GNB5: variants seen among roughly 807,000 people sequenced by gnomAD.
The protein encoded by GNB5 is G protein subunit beta 5, also known as guanine nucleotide-binding protein subunit beta-5.
In GNB5, 37 loss-of-function variants were observed where a neutral mutation model predicts 55.3. The ratio of observed to expected loss-of-function variants is 0.67; its 90% CI spans 0.51 to 0.88. The LOEUF is 0.88. GNB5 is among the 40% of genes least tolerant of loss of function. GNB5 has a pLI of 0.00. For missense variants in GNB5, 476 were observed against 515.3 expected (o/e 0.92, Z 0.74); for synonymous variants, 219 against 198.5 (o/e 1.10, Z -0.87).
chr15:52,175,240 G>A (rs2034628180), intron 3 of GNB5, among the ~76,000 whole-genome samples: 1 of 152,194 alleles, frequency 6.6e-6, no homozygotes, highest in Admixed American at 6.5e-5. Flanking sequence ...TCTAACACAT[G>A]TTGCTCTGGG....
intron 3 of GNB5, among the ~76,000 whole-genome samples, chr15:52,173,029 A>G (rs2034583876): frequency 6.6e-6 from 1 of 152,082 alleles, no homozygotes; most frequent in African/African-American, 2.4e-5. Context: ...TTCATTTGAT[A>G]AATATTTACT....
chr15:52,162,014 G>A (rs1378892645), intron 3 of GNB5, among the ~76,000 whole-genome samples: 1 of 152,178 alleles, frequency 6.6e-6, no homozygotes, highest in Non-Finnish European at 1.5e-5. Flanking sequence ...GGCCAGACAG[G>A]AAGGCACGTC....
chr15:52,158,455 G>T (rs1334829176), intron 3 of GNB5, among the ~76,000 whole-genome samples: 1 of 152,188 alleles, frequency 6.6e-6, no homozygotes, highest in Non-Finnish European at 1.5e-5. Flanking sequence ...ATCCTAAGCA[G>T]CAGTCTTTGG....
At chr15:52,141,496 G>C (rs1326610164) in intron 6 of GNB5, among the ~76,000 whole-genome samples, 1 of 146,740 alleles carries the variant, frequency 6.8e-6, no homozygotes, top group African/African-American at 2.5e-5. Flanking sequence ...TTGAACTCTT[G>C]GCCTCGAACT....
At chr15:52,139,942 A>G in intron 7 of GNB5, 1 of 1,285,362 alleles carries the variant, frequency 7.8e-7, no homozygotes, top group South Asian at 1.2e-5. Flanking sequence ...CATCCAGCCT[A>G]AATGTCCTCT....
chr15:52,148,474 T>C lies in GNB5; in HGVS notation c.418-939A>G, dbSNP rs76746480. On this transcript the variant is annotated intron_variant, in intron 5 of 12. Transcript: ENST00000261837. Reference sequence around the variant, plus strand: ...CACCGTGGCACACATGGCTGGCCTGTGTGCGGTTGCACATCTTGGTGGTGG... The same window carrying C: ...CACCGTGGCACACATGGCTGGCCTGCGTGCGGTTGCACATCTTGGTGGTGG... Among the ~76,000 whole-genome samples, 746 of 152,306 alleles carry C rather than the reference T, an allele frequency of 4.9e-3. 17 individuals carry two copies. The highest frequency in any genetic ancestry group is 0.026 in the Admixed American group (395 of 15,294).
At position 52,128,238 on chromosome 15, in the gene GNB5, G is replaced by A. The variant is rs2033478727; in HGVS notation, c.870C>T (p.Tyr290=). Residue 290 remains tyrosine (Y), a synonymous_variant, in exon 10 of 13, where the codon TAC becomes TAT. Transcript: ENST00000261837. ...HESDINSVRY[Y]PSGDAFASGS... The stretch of plus-strand genomic sequence containing the variant: ...CTGAAGCAAAGGCATCTCCACTGGG[G>A]TAGTACCTGCAGAGAGAAAGTACTT... 6.2e-7 allele frequency: 1 copy of A among 1,606,960 alleles called. No individual in the cohort carries two copies. Among genetic ancestry groups the A allele is most frequent in the Non-Finnish European group, 8.5e-7 (1 of 1,173,602 alleles).
chr15:52,133,745 C>T (rs1167387476), intron 8 of GNB5, among the ~76,000 whole-genome samples: 2 of 152,210 alleles, frequency 1.3e-5, no homozygotes, highest in Non-Finnish European at 2.9e-5. Flanking sequence ...TGGAGGCAAA[C>T]CCTCCTTACC....
chr15:52,152,232 A>G (rs1315001508), intron 4 of GNB5, among the ~76,000 whole-genome samples: 1 of 152,150 alleles, frequency 6.6e-6, no homozygotes, highest in Non-Finnish European at 1.5e-5. Flanking sequence ...TTATAAAAAA[A>G]AGCAAACCAA....
At chr15:52,127,297 T>C (rs905225469) in intron 10 of GNB5, among the ~76,000 whole-genome samples, 3 of 152,228 alleles carry the variant, frequency 2.0e-5, no homozygotes, top group Admixed American at 2.0e-4. Flanking sequence ...TAGGTGACTT[T>C]GAAAATATTT....
chr15:52,128,602 C>T (rs555690711), intron 9 of GNB5: 23 of 522,996 alleles, frequency 4.4e-5, no homozygotes, highest in Middle Eastern at 5.7e-4. Context: ...CTGAATCAGA[C>T]GCACAAAGCC....
At position 52,117,102 on chromosome 15, in the gene GNB5, A is replaced by ATATATATATTTTTTT; in HGVS notation, c.*5654_*5655insAAAAAAATATATATA. ...CCACGCCCAGCTAATATATATATAT[A>ATATATATATTTTTTT]TTTTTTTTTAGTACAGACAGGGTTT... On this transcript the variant is annotated 3_prime_UTR_variant, in exon 13 of 13. Transcript: ENST00000261837. 4.6e-5 allele frequency: 4 copies of ATATATATATTTTTTT among 87,100 alleles called. 2 individuals carry two copies. Among genetic ancestry groups the ATATATATATTTTTTT allele is most frequent in the African/African-American group, 2.4e-4 (4 of 16,418 alleles). The allele number at this position is 87,100 out of a possible 1,614,324, so 5.4% of individuals were successfully genotyped here.
chr15:52,189,492 A>G (rs2141246366), intron 1 of GNB5, among the ~76,000 whole-genome samples: 1 of 152,284 alleles, frequency 6.6e-6, no homozygotes, highest in South Asian at 2.1e-4. Context: ...AGACATGAGA[A>G]CTGCTTGAAC....
At chr15:52,122,867 T>C (rs1343429634) in intron 12 of GNB5, 99 bp from the exon 13 acceptor site, 2 of 843,760 alleles carry the variant, frequency 2.4e-6, no homozygotes, top group Admixed American at 3.5e-5. Context: ...CACACATGCA[T>C]GGGCATACAT....
intron 3 of GNB5, among the ~76,000 whole-genome samples, chr15:52,170,758 TA>T (rs1024354906): frequency 2.6e-5 from 4 of 151,672 alleles, no homozygotes; most frequent in Non-Finnish European, 5.9e-5. Context: ...AGGAAAACAT[TA>T]ATAGTCACAT....
At chr15:52,160,498 C>T (rs1046620765) in intron 3 of GNB5, among the ~76,000 whole-genome samples, 1 of 152,054 alleles carries the variant, frequency 6.6e-6, no homozygotes, top group African/African-American at 2.4e-5. Context: ...AACTAGAGAT[C>T]ATGTTTAGAA....
At chr15:52,167,671 C>CA (rs35907647) in intron 3 of GNB5, among the ~76,000 whole-genome samples, 130 of 140,988 alleles carry the variant, frequency 9.2e-4, no homozygotes, top group Non-Finnish European at 1.1e-3. Flanking sequence ...GACTCCATTT[C>CA]AAAAAAAAAA....
At chr15:52,156,292 CGTT>C (rs1359075469) in intron 3 of GNB5, among the ~76,000 whole-genome samples, 3 of 152,216 alleles carry the variant, frequency 2.0e-5, no homozygotes, top group Middle Eastern at 3.2e-3. Context: ...TCCAAGCTTC[CGTT>C]GTTCCTTCCC....
At position 52,122,613 on chromosome 15, in the gene GNB5, T is replaced by G. The variant is rs1365524023; in HGVS notation, c.*144A>C. ...GAGGTGACAGTTTTAATAGTCATATTGGAGACGCTTAGTGACCTGTGAGCC... is the reference window on the plus strand; with the variant it reads ...GAGGTGACAGTTTTAATAGTCATATGGGAGACGCTTAGTGACCTGTGAGCC... On this transcript the variant is annotated 3_prime_UTR_variant, in exon 13 of 13. Coordinates refer to ENST00000261837, the MANE Select transcript of GNB5 (RefSeq NM_016194.4). The G allele has an allele frequency of 2.9e-6, 2 of 699,786 alleles. No homozygotes were observed. Among genetic ancestry groups the G allele is most frequent in the African/African-American group, 1.8e-5 (1 of 56,534 alleles). 43.3% of individuals were successfully genotyped at this position (699,786 alleles called of 1,614,324 possible). A position where few individuals can be genotyped will look rare whatever the true frequency, so the allele number is the denominator to read the frequency against.
Sources: allele counts gnomAD v4.1 joint callset (sites outside exome capture counted in the v4.1 genomes callset), GRCh38; gene constraint gnomAD v4.1.1; transcripts MANE v1.5; gene names NCBI Gene and HGNC (gene_info 2026-07-23, HGNC 2026-07-21).